BCL9L: variants seen among roughly 807,000 people sequenced by gnomAD.
BCL9L encodes BCL9 like.
Under a neutral mutation model 99.4 loss-of-function variants are expected in BCL9L, and 19 were observed. The ratio of observed to expected loss-of-function variants is 0.19; its 90% CI spans 0.13 to 0.28. The LOEUF is 0.28. Among genes scored for constraint, BCL9L ranks in the 10% least tolerant of loss-of-function variants. BCL9L has a pLI of 1.00. For missense variants in BCL9L, 2,023 were observed against 2,101.6 expected, an observed-to-expected ratio of 0.96 and a Z score of 0.73; for synonymous variants, 900 against 854.8, an observed-to-expected ratio of 1.05 and a Z score of -0.92.
intron 5 of BCL9L, among the ~76,000 whole-genome samples, chr11:118,906,052 G>T (rs898274571): frequency 6.6e-6 from 1 of 152,068 alleles, no homozygotes; most frequent in Non-Finnish European, 1.5e-5. Context: ...ACAAAAATTA[G>T]CCAGGTGTGA....
chr11:118,924,283 T>C (rs1351263476), intron 1 of BCL9L, among the ~76,000 whole-genome samples: 1 of 151,684 alleles, frequency 6.6e-6, no homozygotes, highest in African/African-American at 2.4e-5. Flanking sequence ...TTCACCTCTC[T>C]CAGAGCAACA....
Position 118,901,182 on chromosome 11 carries a change from C to T in BCL9L, c.2561G>A (p.Gly854Glu), listed in dbSNP as rs775683494. ...QGQQGFSGGQ[G>E]PYQAMSQDMG... Reference sequence around the variant, plus strand: ...GTCCTGGGACATGGCTTGGTAGGGTCCCTGGCCTCCAGAGAATCCCTGCTG... The same window carrying T: ...GTCCTGGGACATGGCTTGGTAGGGTTCCTGGCCTCCAGAGAATCCCTGCTG... Residue 854 changes from glycine (G) to glutamate (E), a missense_variant, in exon 8 of 10, where the codon GGA becomes GAA. This residue lies in a region of BCL9L where 5 missense variants were observed against 18.7 expected (regional missense o/e 0.27). Coordinates refer to ENST00000683865, the MANE Select transcript of BCL9L (RefSeq NM_001378213.1). This position sits in a 1 kb window ranked among gnomAD's most constrained non-coding sequence, Gnocchi z 6.6. 108 of 1,613,844 alleles carry T rather than the reference C, an allele frequency of 6.7e-5. No homozygotes were observed. The highest frequency in any genetic ancestry group is 2.3e-4 in the South Asian group (21 of 91,084).
intron 2 of BCL9L, among the ~76,000 whole-genome samples, chr11:118,912,005 CCCT>C (rs1940814277): frequency 6.6e-6 from 1 of 152,262 alleles, no homozygotes; most frequent in South Asian, 2.1e-4. Context: ...CTTCCAGTCA[CCCT>C]CCCCTCCGGG....
chr11:118,900,710 A>T lies in BCL9L; in HGVS notation c.3033T>A (p.Pro1011=). The T allele has an allele frequency of 6.2e-7, 1 of 1,613,942 alleles. No individual in the cohort carries two copies. The highest frequency in any genetic ancestry group is 8.5e-7 in the Non-Finnish European group (1 of 1,180,030). The change falls in exon 8 of 10, where the codon CCT becomes CCA. Residue 1011 remains proline, a synonymous_variant. Coordinates refer to ENST00000683865, the MANE Select transcript of BCL9L (RefSeq NM_001378213.1). This position sits in a 1 kb window ranked among gnomAD's most constrained non-coding sequence, Gnocchi z 5.3. ...AVPSPGWVAS[P]KTAMPSPGVS... ...CCCCCGGGCTGGGCATGGCCGTCTT[A>T]GGTGAGGCAACCCAGCCTGGAGAAG...
chr11:118,909,149 T>A (rs1002664513), intron 3 of BCL9L, among the ~76,000 whole-genome samples: 2 of 151,918 alleles, frequency 1.3e-5, no homozygotes, highest in African/African-American at 4.8e-5. Context: ...CCAGGGACAG[T>A]GGGAAAACGC....
chr11:118,921,245 C>G lies in BCL9L; in HGVS notation c.-130-2366G>C, dbSNP rs1941128594. The stretch of plus-strand genomic sequence containing the variant: ...AACAGAACCGCCGACAGAAGATACA[C>G]CCACACTGAGACACACACACACACA... On this transcript the variant is annotated intron_variant, in intron 1 of 9. Coordinates refer to ENST00000683865, the MANE Select transcript of BCL9L (RefSeq NM_001378213.1). This position sits in a 1 kb window ranked among gnomAD's most constrained non-coding sequence, Gnocchi z 5.4. Among the ~76,000 whole-genome samples, 2 of 152,286 alleles carry G rather than the reference C, an allele frequency of 1.3e-5. No homozygotes were observed. The highest frequency in any genetic ancestry group is 4.2e-4 in the South Asian group (2 of 4,818).
Position 118,908,614 on chromosome 11 carries a change from G to C in BCL9L, c.68C>G (p.Pro23Arg). 1 of 1,612,900 alleles carries C rather than the reference G, an allele frequency of 6.2e-7. No individual in the cohort carries two copies. Among genetic ancestry groups the C allele is most frequent in the Non-Finnish European group, 8.5e-7 (1 of 1,179,816 alleles). ...PRRREAPGSPPLSPRGHCPPA... is the reference protein window; with the variant it reads ...PRRREAPGSPRLSPRGHCPPA... The stretch of plus-strand genomic sequence containing the variant: ...GGGGCAATGACCGCGGGGGGACAGC[G>C]GCGGGCTCCCTGGAGCTTCTCTCCT... The change falls in exon 4 of 10, where the codon CCG becomes CGG. Residue 23 changes from proline to arginine, a missense_variant. By Grantham distance (103) the Pro-to-Arg change is moderately radical. Around this residue, in one of 3 missense-constraint regions of BCL9L, gnomAD observed 1,116 missense variants for 1,194.6 expected, o/e 0.93. Transcript: ENST00000683865.
Position 118,899,021 on chromosome 11 carries a change from G to C in BCL9L, c.3894C>G (p.Leu1298=). The change falls in exon 10 of 10, where the codon CTC becomes CTG. Residue 1298 remains leucine, a synonymous_variant. Transcript: ENST00000683865. The stretch of plus-strand genomic sequence containing the variant: ...CGTTCAGCACTGATGCCACCCCAGG[G>C]AGCACACCCGGTGGGTATGCGTCGC... ...RMGDAYPPGV[L]PGVASVLNDP... The C allele has an allele frequency of 6.2e-7, 1 of 1,613,678 alleles. No individual in the cohort carries two copies. The highest frequency in any genetic ancestry group is 1.1e-5 in the South Asian group (1 of 91,066).
chr11:118,910,944 G>A (rs1352853383), intron 2 of BCL9L: 2 of 94,122 alleles, frequency 2.1e-5, no homozygotes, highest in Middle Eastern at 5.2e-4. Flanking sequence ...CCAGGGAAGC[G>A]CCGCCGGAGC....
At chr11:118,899,700 T>C (rs1319159578) in intron 9 of BCL9L, among the ~76,000 whole-genome samples, 192 bp from the exon 10 acceptor site, 1 of 152,142 alleles carries the variant, frequency 6.6e-6, no homozygotes, top group African/African-American at 2.4e-5. Context: ...TCTGGCCCAG[T>C]TCGCCAGACA....
intron 2 of BCL9L, among the ~76,000 whole-genome samples, chr11:118,911,069 C>A (rs929327537): frequency 1.6e-4 from 25 of 152,114 alleles, no homozygotes; most frequent in Admixed American, 6.5e-5. Flanking sequence ...ACAAGAGAGC[C>A]GAAGAAAGTT....
At chr11:118,920,253 C>T (rs1483953176) in intron 1 of BCL9L, among the ~76,000 whole-genome samples, 1 of 152,168 alleles carries the variant, frequency 6.6e-6, no homozygotes, top group Non-Finnish European at 1.5e-5. Context: ...ATCCCATGCA[C>T]TAACTCTGCT....
rs143704344 is a variant in BCL9L at position 118,900,958 on chromosome 11, T to C, written c.2785A>G (p.Met929Val). 90 of 1,553,772 alleles carry C rather than the reference T, an allele frequency of 5.8e-5. No individual in the cohort carries two copies. The highest frequency in any genetic ancestry group is 7.8e-5 in the Non-Finnish European group (89 of 1,147,802). ...ISINQMGSPG[M>V]GHLKSPTLSQ... ...AGGGTGGGCGACTTCAAGTGCCCCA[T>C]GCCCGGTGAGCCCATCTGATTAATA... Residue 929 changes from methionine (M) to valine (V), a missense_variant, in exon 8 of 10, where the codon ATG (methionine) becomes GTG (valine). By Grantham distance (21) the Met-to-Val change is conservative. Transcript: ENST00000683865. This position sits in a 1 kb window ranked among gnomAD's most constrained non-coding sequence, Gnocchi z 5.3.
At position 118,898,295 on chromosome 11, in the gene BCL9L, C is replaced by CCCCCAA; in HGVS notation, c.*119_*120insTTGGGG. ...CCACAAATGCCACTCCCTACACAAG[C>CCCCCAA]CCCCTCCCACCCCCTCCACCCCACC... On this transcript the variant is annotated 3_prime_UTR_variant, in exon 10 of 10. Coordinates refer to ENST00000683865, the MANE Select transcript of BCL9L (RefSeq NM_001378213.1). 4.9e-6 allele frequency: 2 copies of CCCCCAA among 409,784 alleles called. 1 individual carries two copies. The highest frequency in any genetic ancestry group is 9.2e-6 in the Non-Finnish European group (2 of 217,410). The allele number at this position is 409,784 out of a possible 1,614,324, so 25.4% of individuals were successfully genotyped here.
intron 5 of BCL9L, among the ~76,000 whole-genome samples, chr11:118,906,971 A>G (rs1450939776): frequency 1.3e-5 from 2 of 152,230 alleles, no homozygotes; most frequent in Non-Finnish European, 1.5e-5. Context: ...GCGAATCCAT[A>G]AAAGAATCAG....
In BCL9L at chr11:118,903,299, C is replaced by A; in HGVS notation, c.686G>T (p.Gly229Val). The change falls in exon 6 of 10, where the codon GGG becomes GTG. Residue 229 changes from glycine to valine, a missense_variant. This residue lies in a region of BCL9L where 1,116 missense variants were observed against 1,194.6 expected (regional missense o/e 0.93). Coordinates refer to ENST00000683865, the MANE Select transcript of BCL9L (RefSeq NM_001378213.1). This position sits in a 1 kb window ranked among gnomAD's most constrained non-coding sequence, Gnocchi z 5.6. The stretch of plus-strand genomic sequence containing the variant: ...CGAGGGAGGCTTTCCGGGGACGCCC[C>A]CGCCCCCGCCCCCGCCCCCAGGGGC... ...PDAPGGGGGG[G>V]GVPGKPPSQF... 1 of 1,563,342 alleles carries A rather than the reference C, an allele frequency of 6.4e-7. No individual in the cohort carries two copies. Among genetic ancestry groups the A allele is most frequent in the East Asian group, 2.3e-5 (1 of 42,930 alleles).
chr11:118,901,341 C>T lies in BCL9L; in HGVS notation c.2402G>A (p.Arg801Gln), dbSNP rs201347923. The stretch of plus-strand genomic sequence containing the variant: ...GGGCCCCATCAAGTCCCCAGGGCCC[C>T]GCATCTTCTGCGACATCAGCATCTG... Reference protein sequence around the residue: ...QQQMLMSQKMRGPGDLMGPQG... With the variant: ...QQQMLMSQKMQGPGDLMGPQG... Residue 801 changes from arginine (R) to glutamine (Q), a missense_variant, in exon 8 of 10, where the codon CGG (arginine) becomes CAG (glutamine). By Grantham distance (43) the Arg-to-Gln change is conservative. Transcript: ENST00000683865. This position sits in a 1 kb window ranked among gnomAD's most constrained non-coding sequence, Gnocchi z 6.6. The T allele has an allele frequency of 1.4e-5, 22 of 1,613,724 alleles. No individual in the cohort carries two copies. The highest frequency in any genetic ancestry group is 1.6e-4 in the Middle Eastern group (1 of 6,062).
intron 2 of BCL9L, among the ~76,000 whole-genome samples, chr11:118,915,792 G>A (rs1940946795): frequency 6.6e-6 from 1 of 152,164 alleles, no homozygotes; most frequent in African/African-American, 2.4e-5. Context: ...TCAAAGGAAG[G>A]GTCTGGGAGA....
At position 118,898,751 on chromosome 11, in the gene BCL9L, G is replaced by A. The variant is rs1034616511; in HGVS notation, c.4164C>T (p.Asn1388=). Residue 1388 remains asparagine, a synonymous_variant, in exon 10 of 10, where the codon AAC becomes AAT. Coordinates refer to ENST00000683865, the MANE Select transcript of BCL9L (RefSeq NM_001378213.1). The stretch of plus-strand genomic sequence containing the variant: ...TCTGTCCAGGGTGGCACATGGACAT[G>A]TTGAGCCCCCGCTGGACGCCCTGCT... ...PGQQGVQRGL[N]MSMCHPGQMS... The A allele has an allele frequency of 1.2e-6, 2 of 1,613,496 alleles. No homozygotes were observed. The highest frequency in any genetic ancestry group is 2.7e-5 in the African/African-American group (2 of 74,932).
Sources: gnomAD v4.1 joint callset for allele counts (sites outside exome capture counted in the v4.1 genomes callset) on GRCh38, gnomAD v4.1.1 for gene constraint, gnomAD v4.1.1 regional missense constraint, Gnocchi (gnomAD v3.1) non-coding constraint, MANE v1.5 for transcripts, NCBI Gene and HGNC (gene_info 2026-07-23, HGNC 2026-07-21) for gene names.